ZNF385D: variants seen among roughly 807,000 people sequenced by gnomAD.
ZNF385D encodes the protein zinc finger protein 385D.
In ZNF385D, 15 loss-of-function variants were observed where a neutral mutation model predicts 35.8. The ratio of observed to expected loss-of-function variants is 0.42; its 90% CI spans 0.28 to 0.64. The LOEUF is 0.64. ZNF385D is among the 30% of genes least tolerant of loss of function. The pLI is 0.23. For missense variants in ZNF385D, 474 were observed against 494.6 expected (o/e 0.96, Z 0.39); for synonymous variants, 212 against 186.8 (o/e 1.13, Z -1.10).
At chr3:21,941,057 A>T (rs946020808) in intron 3 of ZNF385D, among the ~76,000 whole-genome samples, 2 of 152,210 alleles carry the variant, frequency 1.3e-5, no homozygotes, top group East Asian at 3.9e-4. Context: ...GGAAAGTGTG[A>T]TTCCAGCCAA....
chr3:21,700,969 C>T (rs563058137), intron 1 of ZNF385D, among the ~76,000 whole-genome samples: 1 of 152,278 alleles, frequency 6.6e-6, no homozygotes, highest in South Asian at 2.1e-4. Context: ...TTTCTCCACC[C>T]TTTGAGGCTG....
intron 2 of ZNF385D, among the ~76,000 whole-genome samples, chr3:21,659,229 T>C (rs2066163347): frequency 6.6e-6 from 1 of 152,134 alleles, no homozygotes; most frequent in Admixed American, 6.6e-5. Context: ...CTCTTCATTA[T>C]ATTTGTTAAT....
At chr3:21,761,225 G>A (rs1470744965) in intron 3 of ZNF385D, among the ~76,000 whole-genome samples, 1 of 152,194 alleles carries the variant, frequency 6.6e-6, no homozygotes, top group African/African-American at 2.4e-5. Context: ...CGATATTTTA[G>A]TGCAAATTCA....
chr3:21,606,938 A>C (rs2064501860), intron 2 of ZNF385D, among the ~76,000 whole-genome samples: 1 of 152,202 alleles, frequency 6.6e-6, no homozygotes, highest in Non-Finnish European at 1.5e-5. Flanking sequence ...GTTTGGGGGC[A>C]GTGGGATATC....
At chr3:21,998,432 C>A (rs959804068) in intron 3 of ZNF385D, among the ~76,000 whole-genome samples, 1 of 152,184 alleles carries the variant, frequency 6.6e-6, no homozygotes, top group African/African-American at 2.4e-5. Context: ...TCCATCTTTA[C>A]TTTTAGTGTC....
intron 3 of ZNF385D, among the ~76,000 whole-genome samples, chr3:22,096,784 A>G (rs1439093014): frequency 6.6e-6 from 1 of 152,076 alleles, no homozygotes; most frequent in Non-Finnish European, 1.5e-5. Context: ...ACTAGTATTG[A>G]TATCTGCGGA....
intron 4 of ZNF385D, among the ~76,000 whole-genome samples, chr3:21,488,544 T>C (rs917093551): frequency 3.3e-5 from 5 of 152,160 alleles, no homozygotes; most frequent in Admixed American, 2.0e-4. Context: ...TCTACATCTC[T>C]GGAGTAGAAT....
intron 2 of ZNF385D, among the ~76,000 whole-genome samples, chr3:22,289,810 T>C (rs563715453): frequency 3.9e-4 from 59 of 152,196 alleles, no homozygotes; most frequent in African/African-American, 6.5e-4. Flanking sequence ...GACCTGGATT[T>C]ACCCCTGGGA....
rs1289252877 is a variant in ZNF385D at position 22,268,869 on chromosome 3, A to G, written c.107-99834T>C. Among the ~76,000 whole-genome samples the G allele has an allele frequency of 2.0e-5, 3 of 151,928 alleles. No homozygotes were observed. The East Asian group carries it at 5.8e-4, about 29-fold the overall frequency. On this transcript the variant is annotated intron_variant, in intron 2 of 5. Coordinates refer to the ZNF385D transcript ENST00000494108. The stretch of plus-strand genomic sequence containing the variant: ...TCTACCCAATTTTCTCAGTTTCCTT[A>G]TCTGGAAAATAGTGGGGGTGGGGGA...
intron 3 of ZNF385D, among the ~76,000 whole-genome samples, chr3:21,535,427 T>A (rs929942645): frequency 6.6e-5 from 10 of 152,056 alleles, no homozygotes; most frequent in Admixed American, 4.6e-4. Flanking sequence ...GAAACTGGGT[T>A]TTCAGCAACA....
At chr3:22,072,644 A>C (rs1441182880) in intron 3 of ZNF385D, among the ~76,000 whole-genome samples, 1 of 152,028 alleles carries the variant, frequency 6.6e-6, no homozygotes, top group African/African-American at 2.4e-5. Flanking sequence ...AAAGAATGCT[A>C]GATAGGAAGG....
At chr3:22,372,067 G>A (rs536732120) in intron 2 of ZNF385D, among the ~76,000 whole-genome samples, 6 of 152,214 alleles carry the variant, frequency 3.9e-5, no homozygotes, top group Admixed American at 3.9e-4. Flanking sequence ...ACAGCAGGAC[G>A]TCCTTACCGG....
At chr3:22,135,977 A>G (rs1704075703) in intron 3 of ZNF385D, among the ~76,000 whole-genome samples, 1 of 152,230 alleles carries the variant, frequency 6.6e-6, no homozygotes, top group South Asian at 2.1e-4. Flanking sequence ...TCAACTGAAA[A>G]TGGGTCACAC....
chr3:22,359,478 G>A (rs1292762740), intron 2 of ZNF385D, among the ~76,000 whole-genome samples: 1 of 151,832 alleles, frequency 6.6e-6, no homozygotes, highest in Non-Finnish European at 1.5e-5. Flanking sequence ...TTTCAGCAAT[G>A]GCGATTTCCA....
rs572564531 is a variant in ZNF385D at position 22,321,671 on chromosome 3, A to G, written c.106+50779T>C. Among the ~76,000 whole-genome samples the G allele has an allele frequency of 1.6e-3, 250 of 152,160 alleles. 1 individual carries two copies. Among genetic ancestry groups the G allele is most frequent in the African/African-American group, 5.7e-3 (237 of 41,538 alleles). ...TGAGCCACCGCACCCGGCTCAGTCT[A>G]TATGTATTTAATGTAATGACTGATA... On this transcript the variant is annotated intron_variant, in intron 2 of 5. Transcript: ENST00000494108.
chr3:22,291,784 T>G (rs1257205405), intron 2 of ZNF385D, among the ~76,000 whole-genome samples: 1 of 152,084 alleles, frequency 6.6e-6, no homozygotes, highest in African/African-American at 2.4e-5. Flanking sequence ...AAGTTTTACA[T>G]TCTTAGGGTT....
chr3:22,176,344 A>C (rs1694832227), intron 2 of ZNF385D, among the ~76,000 whole-genome samples: 1 of 152,178 alleles, frequency 6.6e-6, no homozygotes, highest in Non-Finnish European at 1.5e-5. Context: ...TTTACTAAAA[A>C]GCATTAATTG....
intron 3 of ZNF385D, among the ~76,000 whole-genome samples, chr3:21,810,575 T>C (rs2125706862): frequency 6.6e-6 from 1 of 152,248 alleles, no homozygotes; most frequent in Admixed American, 6.5e-5. Context: ...TATTTATTTT[T>C]ATTAATAAAA....
intron 3 of ZNF385D, among the ~76,000 whole-genome samples, chr3:21,971,559 G>A (rs1703258646): frequency 6.6e-6 from 1 of 151,408 alleles, no homozygotes; most frequent in African/African-American, 2.4e-5. Context: ...AAGAAGGAAA[G>A]AAGGAAGAGA....
Sources: gnomAD v4.1 joint callset for allele counts (sites outside exome capture counted in the v4.1 genomes callset) on GRCh38, gnomAD v4.1.1 for gene constraint, MANE v1.5 for transcripts, NCBI Gene and HGNC (gene_info 2026-07-23, HGNC 2026-07-21) for gene names.